Variants in PCSK6 observed in about 807,000 individuals in gnomAD.
PCSK6 encodes proprotein convertase subtilisin/kexin type 6.
PCSK6 carries 85 observed loss-of-function variants against 123.3 expected under a neutral mutation model. The observed-to-expected ratio is 0.69, with a 90% CI of 0.58 to 0.83. The LOEUF (loss-of-function observed/expected upper bound fraction) is 0.83, where lower values mean the gene tolerates loss of function less well. Among genes scored for constraint, PCSK6 ranks in the 40% least tolerant of loss-of-function variants. The pLI, the probability that PCSK6 is intolerant of heterozygous loss-of-function variation, is 0.00. For synonymous variants in PCSK6, 508 were observed against 516.0 expected (o/e 0.98, Z 0.21); for missense variants, 1,191 against 1,282.3 (o/e 0.93, Z 1.09).
intron 1 of PCSK6, among the ~76,000 whole-genome samples, chr15:101,469,939 C>T (rs1210131024): frequency 6.6e-6 from 1 of 152,224 alleles, no homozygotes; most frequent in Admixed American, 6.5e-5. Flanking sequence ...TCTCTCTCAT[C>T]CAGTGCTAAT....
intron 6 of PCSK6, among the ~76,000 whole-genome samples, chr15:101,411,704 G>A (rs562360133): frequency 1.3e-5 from 2 of 151,502 alleles, no homozygotes; most frequent in African/African-American, 2.4e-5. Context: ...GCAAGGAACC[G>A]TGGTACCACC....
chr15:101,461,449 C>T (rs1271672810), intron 1 of PCSK6, among the ~76,000 whole-genome samples: 1 of 152,134 alleles, frequency 6.6e-6, no homozygotes, highest in African/African-American at 2.4e-5. Flanking sequence ...ATAGATCATC[C>T]CAGTCTTAAA....
chr15:101,411,921 C>T (rs1303872908), intron 6 of PCSK6, among the ~76,000 whole-genome samples: 1 of 152,238 alleles, frequency 6.6e-6, no homozygotes, highest in East Asian at 1.9e-4. Flanking sequence ...CCACACCCAG[C>T]AGTAACAACG....
Position 101,393,424 on chromosome 15 carries a change from C to T in PCSK6, c.997G>A (p.Gly333Ser). 6.2e-7 allele frequency: 1 copy of T among 1,601,790 alleles called. No homozygotes were observed. The highest frequency in any genetic ancestry group is 8.5e-7 in the Non-Finnish European group (1 of 1,175,696). Residue 333 changes from glycine to serine, a missense_variant and splice_region_variant, in exon 8 of 22, where the codon GGC (glycine) becomes AGC (serine). Transcript: ENST00000611716. ...AAAATGGAGCCCAGGCCCTGCCGGC[C>T]CTGGAGGGACAAGAGGAACAAGGCT... ...KQAFEYGIKKGRQGLGSIFVW... is the reference protein window; with the variant it reads ...KQAFEYGIKKSRQGLGSIFVW...
intron 13 of PCSK6, among the ~76,000 whole-genome samples, chr15:101,359,284 C>G (rs1472916008): frequency 2.0e-5 from 3 of 152,202 alleles, no homozygotes; most frequent in Non-Finnish European, 4.4e-5. Flanking sequence ...CTGGAAGGTA[C>G]CACAAGGTGT....
chr15:101,337,858 A>G (rs542157722), intron 13 of PCSK6, among the ~76,000 whole-genome samples: 16 of 152,326 alleles, frequency 1.1e-4, no homozygotes, highest in African/African-American at 3.8e-4. Flanking sequence ...CACCCTGTGA[A>G]CGTGACCATT....
intron 13 of PCSK6, among the ~76,000 whole-genome samples, chr15:101,341,499 T>C (rs912734843): frequency 6.6e-6 from 1 of 152,092 alleles, no homozygotes; most frequent in African/African-American, 2.4e-5. Context: ...TCACCTCAGG[T>C]GATCTGGCCA....
chr15:101,386,648 C>T lies in PCSK6; in HGVS notation c.1311-2223G>A, dbSNP rs1368409428. On this transcript the variant is annotated intron_variant, in intron 9 of 21. Transcript: ENST00000611716. ...CCCTTAGCACAACGTCCTTGAGGGA[C>T]CTCATCATAATCTGTATCCGAATCT... is the stretch of plus-strand genomic sequence containing the variant. 6.6e-5 allele frequency among the ~76,000 whole-genome samples: 10 copies of T among 152,204 alleles called. No homozygotes were observed. In the East Asian group the frequency reaches 1.9e-3, roughly 29 times the overall value.
rs559084516 is a variant in PCSK6, at chr15:101,427,080, G to A, written c.823+812C>T. ...TTCAGAGCACTTGGGTGACTGAGCTGTCACACTGCCGGGCTCCCGTGGGGA... is the reference window on the plus strand; with the variant it reads ...TTCAGAGCACTTGGGTGACTGAGCTATCACACTGCCGGGCTCCCGTGGGGA... On this transcript the variant is annotated intron_variant, in intron 6 of 21. Coordinates refer to ENST00000611716, the MANE Select transcript of PCSK6 (RefSeq NM_002570.5). Among the ~76,000 whole-genome samples the A allele has an allele frequency of 5.9e-5, 9 of 152,356 alleles. No homozygotes were observed. In the South Asian group the frequency reaches 1.7e-3, roughly 28 times the overall value.
At chr15:101,448,454 G>A (rs997384941) in intron 1 of PCSK6, among the ~76,000 whole-genome samples, 2 of 152,184 alleles carry the variant, frequency 1.3e-5, no homozygotes, top group Non-Finnish European at 2.9e-5. Context: ...GAGTTAGTGG[G>A]GAACAGCAAT....
intron 1 of PCSK6, among the ~76,000 whole-genome samples, chr15:101,444,682 A>C (rs1343688825): frequency 6.6e-6 from 1 of 152,108 alleles, no homozygotes; most frequent in African/African-American, 2.4e-5. Context: ...ACTCATGGGA[A>C]TCTCAATTCC....
intron 6 of PCSK6, among the ~76,000 whole-genome samples, chr15:101,414,202 T>C (rs575770223): frequency 4.6e-5 from 7 of 152,054 alleles, no homozygotes; most frequent in Non-Finnish European, 1.0e-4. Flanking sequence ...GCCAAATTTG[T>C]AGGGAGAAAA....
rs114773587 is a variant in PCSK6 at position 101,408,980 on chromosome 15, C to T, written c.824-10404G>A. ...GTCGCTGCCGTTTACTTTTCCTTCC[C>T]AGAAACAGGGCAAACATGGTCTGAA... is the stretch of plus-strand genomic sequence containing the variant. On this transcript the variant is annotated intron_variant, in intron 6 of 21. Coordinates refer to ENST00000611716, the MANE Select transcript of PCSK6 (RefSeq NM_002570.5). Among the ~76,000 whole-genome samples, 1,404 of 152,328 alleles carry T rather than the reference C, an allele frequency of 9.2e-3. 14 individuals are homozygous for T. The highest frequency in any genetic ancestry group is 0.031 in the African/African-American group (1,309 of 41,556).
Position 101,427,965 on chromosome 15 carries a change from A to G in PCSK6, c.750T>C (p.Cys250=). ...ASNENKHGTR[C]AGEVAASANN... ...TTGCTGAAGCAGCAACTTCTCCCGCACAACGAGTGCCGTGTCTGAAACAAA... is the reference window on the plus strand; with the variant it reads ...TTGCTGAAGCAGCAACTTCTCCCGCGCAACGAGTGCCGTGTCTGAAACAAA... The change falls in exon 6 of 22, where the codon TGT becomes TGC. Residue 250 remains cysteine (C), a synonymous_variant. Coordinates refer to ENST00000611716, the MANE Select transcript of PCSK6 (RefSeq NM_002570.5). The G allele has an allele frequency of 6.3e-7, 1 of 1,579,636 alleles. No homozygotes were observed. Among genetic ancestry groups the G allele is most frequent in the African/African-American group, 1.3e-5 (1 of 74,380 alleles).
At chr15:101,357,669 C>A (rs1160204311) in intron 13 of PCSK6, among the ~76,000 whole-genome samples, 1 of 152,264 alleles carries the variant, frequency 6.6e-6, no homozygotes, top group Non-Finnish European at 1.5e-5. Context: ...GGCGTGGCCT[C>A]ACAGGCATGC....
intron 6 of PCSK6, among the ~76,000 whole-genome samples, chr15:101,421,660 C>G (rs1394880988): frequency 6.6e-6 from 1 of 152,222 alleles, no homozygotes; most frequent in Non-Finnish European, 1.5e-5. Flanking sequence ...AGTAACCCAT[C>G]TTGGAAGTGA....
chr15:101,488,600 G>A (rs2058077502), intron 1 of PCSK6, among the ~76,000 whole-genome samples: 1 of 152,146 alleles, frequency 6.6e-6, no homozygotes, highest in Non-Finnish European at 1.5e-5. Flanking sequence ...TGTAGACATT[G>A]CCACTGACTG....
At chr15:101,424,128 G>C (rs4965861) in intron 6 of PCSK6, among the ~76,000 whole-genome samples, 6 of 151,762 alleles carry the variant, frequency 4.0e-5, no homozygotes, top group African/African-American at 1.5e-4. Flanking sequence ...CCAGATACTT[G>C]GGAGGCTCGG....
intron 6 of PCSK6, among the ~76,000 whole-genome samples, chr15:101,414,272 C>G (rs1009868945): frequency 3.3e-5 from 5 of 152,010 alleles, no homozygotes; most frequent in African/African-American, 4.8e-5. Flanking sequence ...ACCATTCATA[C>G]CTATAGCAAG....
Sources: gnomAD v4.1 joint callset for allele counts (sites outside exome capture counted in the v4.1 genomes callset) on GRCh38, gnomAD v4.1.1 for gene constraint, MANE v1.5 for transcripts, NCBI Gene and HGNC (gene_info 2026-07-23, HGNC 2026-07-21) for gene names.